LRP1B: variants seen among roughly 807,000 people sequenced by gnomAD.
The protein encoded by LRP1B is low-density lipoprotein receptor-related protein 1B.
A neutral mutation model predicts 556.6 loss-of-function variants in LRP1B; 217 were observed. The ratio of observed to expected loss-of-function variants is 0.39; its 90% confidence interval spans 0.35 to 0.44. LRP1B has a LOEUF of 0.44. Ranked by LOEUF, LRP1B falls within the 20% of genes least tolerant of loss-of-function variation. The pLI, the probability that LRP1B is intolerant of heterozygous loss-of-function variation, is 1.00. For synonymous variants in LRP1B, 2,047 were observed against 1,865.8 expected (o/e 1.10, Z -2.50); for missense variants, 5,053 against 5,620.8 (o/e 0.90, Z 3.23).
At chr2:141,140,001 T>C (rs1701603022) in intron 7 of LRP1B, among the ~76,000 whole-genome samples, 1 of 152,034 alleles carries the variant, frequency 6.6e-6, no homozygotes, top group East Asian at 1.9e-4. Context: ...AATGAAATAC[T>C]ACTCAGCAAA....
chr2:140,762,129 T>C (rs1206376995), intron 35 of LRP1B, among the ~76,000 whole-genome samples: 1 of 152,066 alleles, frequency 6.6e-6, no homozygotes, highest in Non-Finnish European at 1.5e-5. Context: ...AGTCCTAATA[T>C]GGCCTGTCTT....
At chr2:141,760,313 T>C (rs1694492264) in intron 2 of LRP1B, among the ~76,000 whole-genome samples, 1 of 152,130 alleles carries the variant, frequency 6.6e-6, no homozygotes, top group Non-Finnish European at 1.5e-5. Flanking sequence ...TGCTCATAAG[T>C]CATTGTTAAG....
At chr2:140,801,889 A>G (rs770635230) in intron 32 of LRP1B, among the ~76,000 whole-genome samples, 4 of 152,140 alleles carry the variant, frequency 2.6e-5, no homozygotes, top group Non-Finnish European at 5.9e-5. Context: ...CTCCGACAAG[A>G]AGTTAAGTTC....
chr2:140,640,622 A>T (rs1368706805), intron 41 of LRP1B, among the ~76,000 whole-genome samples: 1 of 150,534 alleles, frequency 6.6e-6, no homozygotes, highest in African/African-American at 2.4e-5. Context: ...TGACCTCGTG[A>T]TCCGCCCACC....
At chr2:140,969,200 G>T (rs1449298852) in intron 18 of LRP1B, among the ~76,000 whole-genome samples, 1 of 152,188 alleles carries the variant, frequency 6.6e-6, no homozygotes, top group Non-Finnish European at 1.5e-5. Context: ...CTTGCTTTAT[G>T]AATCTGGGTG....
intron 3 of LRP1B, among the ~76,000 whole-genome samples, chr2:141,355,279 C>CTATTAAA (rs139442477): frequency 0.031 from 4,718 of 151,978 alleles, 256 homozygotes; most frequent in African/African-American, 0.11. Context: ...TTTTTTAAGT[C>CTATTAAA]ACTAATGTTT....
chr2:141,849,626 A>G (rs757791525), intron 1 of LRP1B, among the ~76,000 whole-genome samples: 6 of 151,642 alleles, frequency 4.0e-5, no homozygotes, highest in Non-Finnish European at 7.4e-5. Context: ...GGACTTTTAC[A>G]TAGAAAAATA....
chr2:142,127,152 A>T (rs1024551502), intron 1 of LRP1B, among the ~76,000 whole-genome samples: 1 of 151,784 alleles, frequency 6.6e-6, no homozygotes, highest in African/African-American at 2.4e-5. Flanking sequence ...TTAATATTTA[A>T]TTTTTCTGCA....
rs2105311720 is a variant in LRP1B, at chr2:140,449,254, T to G, written c.10057+1314A>C. 1.3e-5 allele frequency among the ~76,000 whole-genome samples: 2 copies of G among 152,226 alleles called. 1 individual carries two copies. Among genetic ancestry groups the G allele is most frequent in the African/African-American group, 4.8e-5 (2 of 41,580 alleles). Reference sequence around the variant, plus strand: ...TATTTCTAAGAATTACAAATGTAAGTTGCATTTAGAGTATTTACTGTTATC... The same window carrying G: ...TATTTCTAAGAATTACAAATGTAAGGTGCATTTAGAGTATTTACTGTTATC... On this transcript the variant is annotated intron_variant, in intron 63 of 90. Coordinates refer to ENST00000389484, the MANE Select transcript of LRP1B (RefSeq NM_018557.3).
intron 2 of LRP1B, among the ~76,000 whole-genome samples, chr2:141,794,895 C>A (rs1051875065): frequency 6.6e-6 from 1 of 151,970 alleles, no homozygotes; most frequent in African/African-American, 2.4e-5. Context: ...GTACACACAA[C>A]TATATTGGGT....
chr2:140,383,090 C>T (rs571751573), intron 67 of LRP1B, among the ~76,000 whole-genome samples: 13 of 152,104 alleles, frequency 8.5e-5, no homozygotes, highest in African/African-American at 2.9e-4. Context: ...AATTGCCTAG[C>T]GACAAATTTC....
At chr2:140,356,257 C>G (rs969685240) in intron 75 of LRP1B, 85 bp downstream of exon 75, 4 of 1,335,232 alleles carry the variant, frequency 3.0e-6, no homozygotes, top group African/African-American at 1.5e-5. Context: ...GAAAGTCAAT[C>G]CCCTGTGATC....
At chr2:140,425,601 G>C (rs1488731708) in intron 66 of LRP1B, among the ~76,000 whole-genome samples, 1 of 152,070 alleles carries the variant, frequency 6.6e-6, no homozygotes, top group Non-Finnish European at 1.5e-5. Context: ...AGTAGAGATG[G>C]GGTTTCACCA....
At chr2:140,755,100 A>C (rs2104903602) in intron 35 of LRP1B, among the ~76,000 whole-genome samples, 1 of 152,200 alleles carries the variant, frequency 6.6e-6, no homozygotes, top group East Asian at 1.9e-4. Flanking sequence ...TTTTCAAAAG[A>C]CACAGACTAT....
intron 35 of LRP1B, among the ~76,000 whole-genome samples, chr2:140,735,805 C>A (rs1006881024): frequency 2.0e-5 from 3 of 152,114 alleles, no homozygotes; most frequent in African/African-American, 7.2e-5. Flanking sequence ...TCTAACCCAA[C>A]TGGAGAATTA....
intron 2 of LRP1B, among the ~76,000 whole-genome samples, chr2:141,613,045 G>A (rs866423999): frequency 1.1e-4 from 16 of 151,642 alleles, no homozygotes; most frequent in Admixed American, 7.9e-4. Context: ...TCCTGACCTC[G>A]TGATCCACCT....
At chr2:142,002,618 A>T (rs1027716464) in intron 1 of LRP1B, among the ~76,000 whole-genome samples, 1 of 151,910 alleles carries the variant, frequency 6.6e-6, no homozygotes, top group African/African-American at 2.4e-5. Flanking sequence ...GTGTCACAAC[A>T]TGAAATAACC....
intron 41 of LRP1B, chr2:140,683,657 T>C: frequency 2.9e-6 from 2 of 698,962 alleles, no homozygotes; most frequent in Non-Finnish European, 5.3e-6. Context: ...GTCCTCCGCA[T>C]TTACAGCAAA....
intron 35 of LRP1B, 63 bp downstream of exon 35, chr2:140,769,150 C>T (rs2104933985): frequency 3.5e-6 from 5 of 1,441,102 alleles, no homozygotes; most frequent in Non-Finnish European, 4.8e-6. Flanking sequence ...GATTGTATTC[C>T]CATCATGTTT....
Sources: gnomAD v4.1 joint callset for allele counts (sites outside exome capture counted in the v4.1 genomes callset) on GRCh38, gnomAD v4.1.1 for gene constraint, MANE v1.5 for transcripts, NCBI Gene and HGNC (gene_info 2026-07-23, HGNC 2026-07-21) for gene names.